MIA2: variants seen among roughly 807,000 people sequenced by gnomAD.
MIA2 encodes the protein MIA SH3 domain ER export factor 2.
MIA2 carries 127 observed loss-of-function variants against 167.8 expected under a neutral mutation model. The observed-to-expected ratio is 0.76, with a 90% CI of 0.66 to 0.88. The LOEUF (loss-of-function observed/expected upper bound fraction) is 0.88, where lower values mean the gene tolerates loss of function less well. Among genes scored for constraint, MIA2 ranks in the 40% least tolerant of loss-of-function variants. The pLI is 0.00. For missense variants in MIA2, 1,690 were observed against 1,624.7 expected, an observed-to-expected ratio of 1.04 and a Z score of -0.69; for synonymous variants, 552 against 541.9, an observed-to-expected ratio of 1.02 and a Z score of -0.26.
exon 24 of MIA2, chr14:39,387,488 A>T (rs1050862899): frequency 6.6e-6 from 1 of 152,316 alleles, no homozygotes; most frequent in South Asian, 2.1e-4. Context: ...TCTCATGATA[A>T]AACTTGAACA....
Position 39,304,422 on chromosome 14 carries a change from A to T in MIA2, c.2878+41A>T, listed in dbSNP as rs2063003649. On this transcript the variant is annotated intron_variant, in intron 17 of 28. Transcript: ENST00000640607. ...ACATACTTTTAATGTTTTTCTAAGTAAGTACATCTCTTGGCAGAGAATGGT... is the reference window on the plus strand; with the variant it reads ...ACATACTTTTAATGTTTTTCTAAGTTAGTACATCTCTTGGCAGAGAATGGT... The T allele has an allele frequency of 2.8e-6, 3 of 1,088,032 alleles. No individual in the cohort carries two copies. In the East Asian group the frequency reaches 7.8e-5, roughly 28 times the overall value. 67.4% of individuals were successfully genotyped at this position (1,088,032 alleles called of 1,614,324 possible).
intron 20 of MIA2, 139 bp downstream of exon 20, chr14:39,314,938 G>A (rs886369428): frequency 6.7e-6 from 4 of 596,266 alleles, no homozygotes; most frequent in Non-Finnish European, 2.6e-6. Context: ...GCATGTGGCT[G>A]TGGGACATTT....
intron 6 of MIA2, among the ~76,000 whole-genome samples, chr14:39,259,994 T>C (rs1306319198): frequency 3.3e-5 from 5 of 152,158 alleles, no homozygotes; most frequent in Non-Finnish European, 7.3e-5. Context: ...TTGCTCAGAA[T>C]GATGGTTTCC....
At chr14:39,284,048 T>C (rs1028228222) in intron 9 of MIA2, among the ~76,000 whole-genome samples, 10 of 152,174 alleles carry the variant, frequency 6.6e-5, no homozygotes, top group African/African-American at 2.4e-4. Flanking sequence ...CAAAAGCTTT[T>C]TAGTTTGATG....
At chr14:39,273,774 A>G (rs2057524265) in intron 6 of MIA2, among the ~76,000 whole-genome samples, 2 of 152,268 alleles carry the variant, frequency 1.3e-5, no homozygotes, top group East Asian at 1.9e-4. Flanking sequence ...GTCATAAGAT[A>G]TATTGGTGTG....
rs35948974 is a variant in MIA2, at chr14:39,263,633, CT to C, written c.1887+10476del. 1.6e-3 allele frequency among the ~76,000 whole-genome samples: 206 copies of C among 130,870 alleles called. 1 individual carries two copies. Among genetic ancestry groups the C allele is most frequent in the Middle Eastern group, 3.9e-3 (1 of 254 alleles). The allele number at this position is 130,870 out of a possible 152,430, so 85.9% of individuals were successfully genotyped here. On this transcript the variant is annotated intron_variant, in intron 6 of 28. Transcript: ENST00000640607. ...TTCCTTCCTTCCTCTCTCTCTCTCT[CT>C]TTTTTTTTTTTTTCTGAGACAGAGT... is the stretch of plus-strand genomic sequence containing the variant.
chr14:39,346,154 A>G, intron 26 of MIA2, 128 bp downstream of exon 26: 1 of 739,944 alleles, frequency 1.4e-6, no homozygotes, highest in Non-Finnish European at 2.3e-6. Context: ...CTTTCCTGAA[A>G]ATGTCCTGGT....
intron 6 of MIA2, among the ~76,000 whole-genome samples, chr14:39,258,658 A>G (rs1205079825): frequency 6.6e-6 from 1 of 152,190 alleles, no homozygotes; most frequent in African/African-American, 2.4e-5. Flanking sequence ...TTGGAGGAGA[A>G]GAGGCATTCT....
At chr14:39,342,851 T>C (rs558293268) in intron 25 of MIA2, among the ~76,000 whole-genome samples, 17 of 152,184 alleles carry the variant, frequency 1.1e-4, no homozygotes, top group African/African-American at 4.1e-4. Flanking sequence ...TAATAATGAT[T>C]AAAAAAAATT....
At chr14:39,275,983 A>T (rs1454001196) in intron 6 of MIA2, among the ~76,000 whole-genome samples, 1 of 152,220 alleles carries the variant, frequency 6.6e-6, no homozygotes, top group East Asian at 1.9e-4. Context: ...CTGTTCTTAT[A>T]GGCAGAAAGG....
chr14:39,372,805 G>C (rs2074973853), intron 23 of MIA2, among the ~76,000 whole-genome samples: 1 of 152,160 alleles, frequency 6.6e-6, no homozygotes, highest in South Asian at 2.1e-4. Flanking sequence ...AAAACTGAAT[G>C]TAACATATCT....
At position 39,288,333 on chromosome 14, in the gene MIA2, T is replaced by C. The variant is rs916145669; in HGVS notation, c.2131-2686T>C. On this transcript the variant is annotated intron_variant, in intron 9 of 28. Transcript: ENST00000640607. The stretch of plus-strand genomic sequence containing the variant: ...AAAATGGATGTTCAACTTTGTTGAA[T>C]GTTTTTTCTGTGTCAATTGGTATGA... 1.2e-4 allele frequency among the ~76,000 whole-genome samples: 18 copies of C among 150,894 alleles called. 1 individual carries two copies. The highest frequency in any genetic ancestry group is 2.1e-4 in the Non-Finnish European group (14 of 67,846).
intron 25 of MIA2, among the ~76,000 whole-genome samples, chr14:39,333,579 C>G (rs2069476555): frequency 6.6e-6 from 1 of 152,122 alleles, no homozygotes; most frequent in Admixed American, 6.5e-5. Context: ...CGAGTTTTGA[C>G]TGCTGTGTGC....
rs761706427 is a variant in MIA2 at position 39,247,660 on chromosome 14, A to C, written c.1086A>C (p.Lys362Asn). 1 of 1,610,584 alleles carries C rather than the reference A, an allele frequency of 6.2e-7. No homozygotes were observed. The highest frequency in any genetic ancestry group is 1.7e-5 in the Admixed American group (1 of 59,048). ...CATGTACAGAAATATTAACAGAAAAAAAAGACACAATCACTAATGATAGCT... is the reference window on the plus strand; with the variant it reads ...CATGTACAGAAATATTAACAGAAAACAAAGACACAATCACTAATGATAGCT... ...TVPCTEILTE[K>N]KDTITNDSLS... The change falls in exon 4 of 29, where the codon AAA becomes AAC. Residue 362 changes from lysine (K) to asparagine (N), a missense_variant. Coordinates refer to ENST00000640607, the MANE Select transcript of MIA2 (RefSeq NM_001329214.4).
Position 39,251,698 on chromosome 14 carries a change from C to A in MIA2, c.1568-1050C>A, listed in dbSNP as rs147486123. On this transcript the variant is annotated intron_variant, in intron 4 of 28. Transcript: ENST00000640607. ...GTATGCTCTTGTTAAGTATTATCAT[C>A]CACAGGTGCTATTACTAAATTACTG... is the stretch of plus-strand genomic sequence containing the variant. Among the ~76,000 whole-genome samples the A allele has an allele frequency of 1.2e-3, 187 of 152,118 alleles. 1 individual carries two copies. Among genetic ancestry groups the A allele is most frequent in the African/African-American group, 4.3e-3 (178 of 41,520 alleles).
At chr14:39,288,315 A>T (rs1392257019) in intron 9 of MIA2, among the ~76,000 whole-genome samples, 1 of 150,470 alleles carries the variant, frequency 6.6e-6, no homozygotes, top group Non-Finnish European at 1.5e-5. Context: ...AAAAAAATGG[A>T]TGTTCAACTT....
chr14:39,384,779 T>C (rs1268000215), intron 23 of MIA2, among the ~76,000 whole-genome samples: 1 of 152,100 alleles, frequency 6.6e-6, no homozygotes, highest in Non-Finnish European at 1.5e-5. Context: ...TACATACATG[T>C]GCACGCGCAC....
intron 11 of MIA2, 23 bp from the exon 12 acceptor site, chr14:39,293,977 A>C: frequency 1.3e-6 from 2 of 1,585,184 alleles, no homozygotes; most frequent in South Asian, 2.2e-5. Flanking sequence ...GTAAATATTA[A>C]TTGCCTGATA....
chr14:39,240,469 T>A (rs1190535108), intron 2 of MIA2, 92 bp from the exon 3 acceptor site: 2 of 838,810 alleles, frequency 2.4e-6, no homozygotes, highest in Non-Finnish European at 3.9e-6. Flanking sequence ...TCAGAGTAGA[T>A]GAAAGCCAAG....
Sources: gnomAD v4.1 joint callset for allele counts (sites outside exome capture counted in the v4.1 genomes callset) on GRCh38, gnomAD v4.1.1 for gene constraint, MANE v1.5 for transcripts, NCBI Gene and HGNC (gene_info 2026-07-23, HGNC 2026-07-21) for gene names.